The following ZNF385B variants were observed in gnomAD, a reference collection of about 807,000 sequenced individuals.
ZNF385B encodes the protein zinc finger protein 385B.
ZNF385B carries 23 observed loss-of-function variants against 39.2 expected under a neutral mutation model. The observed-to-expected ratio is 0.59, with a 90% CI of 0.42 to 0.83. ZNF385B has a LOEUF of 0.83. ZNF385B is among the 40% of genes least tolerant of loss of function. The pLI is 0.00. For missense variants in ZNF385B, 552 were observed against 598.9 expected, an observed-to-expected ratio of 0.92 and a Z score of 0.82; for synonymous variants, 205 against 222.6, an observed-to-expected ratio of 0.92 and a Z score of 0.70.
intron 3 of ZNF385B, among the ~76,000 whole-genome samples, chr2:179,590,864 C>T (rs1337430714): frequency 6.6e-6 from 1 of 152,126 alleles, no homozygotes; most frequent in Admixed American, 6.5e-5. Context: ...CCTGAGGCTT[C>T]CCCCACCATG....
At chr2:179,622,344 C>A (rs373086217) in intron 3 of ZNF385B, among the ~76,000 whole-genome samples, 1 of 152,100 alleles carries the variant, frequency 6.6e-6, no homozygotes. Context: ...AAACAGTAAG[C>A]CCATGGAGTT....
chr2:179,480,107 A>C (rs1315392107), intron 6 of ZNF385B, among the ~76,000 whole-genome samples: 1 of 152,230 alleles, frequency 6.6e-6, no homozygotes, highest in Non-Finnish European at 1.5e-5. Flanking sequence ...CTGGCAGCTG[A>C]AACATCACGT....
chr2:179,626,901 A>G (rs1250924734), intron 3 of ZNF385B, among the ~76,000 whole-genome samples: 1 of 152,202 alleles, frequency 6.6e-6, no homozygotes, highest in African/African-American at 2.4e-5. Flanking sequence ...ATGTTCCAAT[A>G]TAACCCTTAG....
chr2:179,715,742 C>T (rs1435695792), intron 3 of ZNF385B, among the ~76,000 whole-genome samples: 2 of 151,944 alleles, frequency 1.3e-5, no homozygotes, highest in South Asian at 2.1e-4. Context: ...AAATGCCCAT[C>T]ATAAATAAAT....
At chr2:179,466,915 CAAAAAAAA>C (rs777679885) in intron 6 of ZNF385B, among the ~76,000 whole-genome samples, 60 of 26,930 alleles carry the variant, frequency 2.2e-3, no homozygotes, top group South Asian at 9.3e-3. Flanking sequence ...GCAAGACTGT[CAAAAAAAA>C]AAAAAAAAAA....
intron 3 of ZNF385B, among the ~76,000 whole-genome samples, chr2:179,696,203 G>GATGATCGT (rs1423397533): frequency 6.6e-6 from 1 of 151,840 alleles, no homozygotes; most frequent in Admixed American, 6.6e-5. Context: ...TTACTGTGGT[G>GATGATCGT]ATGATCGTAT....
intron 5 of ZNF385B, among the ~76,000 whole-genome samples, chr2:179,506,074 C>T (rs2057230503): frequency 6.6e-6 from 1 of 152,014 alleles, no homozygotes; most frequent in Non-Finnish European, 1.5e-5. Context: ...ACGGAACTTC[C>T]AATTCACAGT....
At chr2:179,830,020 C>T (rs1707896220) in intron 1 of ZNF385B, among the ~76,000 whole-genome samples, 1 of 152,192 alleles carries the variant, frequency 6.6e-6, no homozygotes. Context: ...CTCTTCAACA[C>T]TCAACAAAAG....
intron 3 of ZNF385B, among the ~76,000 whole-genome samples, chr2:179,608,547 T>C (rs1689015396): frequency 1.3e-5 from 2 of 152,178 alleles, no homozygotes; most frequent in South Asian, 4.1e-4. Context: ...TTTTCCCCTA[T>C]TTTTACTCTC....
intron 3 of ZNF385B, among the ~76,000 whole-genome samples, chr2:179,690,686 C>G (rs1256861432): frequency 6.6e-6 from 1 of 152,190 alleles, no homozygotes; most frequent in Non-Finnish European, 1.5e-5. Flanking sequence ...TCACCACTTA[C>G]TATGTCAAGT....
chr2:179,617,050 A>G lies in ZNF385B; in HGVS notation c.299-72081T>C, dbSNP rs1230803537. 2.0e-5 allele frequency among the ~76,000 whole-genome samples: 3 copies of G among 151,958 alleles called. No homozygotes were observed. The South Asian group carries it at 6.2e-4, about 32-fold the overall frequency. Reference sequence around the variant, plus strand: ...TAGTGTGGTGTCTGTTACCTTTGCCATTTTTATTTGATCCCCAAAGTTGCA... The same window carrying G: ...TAGTGTGGTGTCTGTTACCTTTGCCGTTTTTATTTGATCCCCAAAGTTGCA... On this transcript the variant is annotated intron_variant, in intron 3 of 9. Coordinates refer to ENST00000410066, the MANE Select transcript of ZNF385B (RefSeq NM_152520.6).
intron 1 of ZNF385B, among the ~76,000 whole-genome samples, chr2:179,804,087 C>T (rs1706202264): frequency 1.3e-5 from 2 of 152,186 alleles, no homozygotes. Context: ...ATCATCTTTG[C>T]TTCTCTCCAA....
At chr2:179,736,866 A>G (rs1701793327) in intron 3 of ZNF385B, among the ~76,000 whole-genome samples, 2 of 152,198 alleles carry the variant, frequency 1.3e-5, no homozygotes, top group Non-Finnish European at 2.9e-5. Flanking sequence ...GCTACTCAGG[A>G]GGCTGAGGCA....
At chr2:179,858,985 A>G (rs1684824467) in intron 1 of ZNF385B, among the ~76,000 whole-genome samples, 1 of 152,150 alleles carries the variant, frequency 6.6e-6, no homozygotes, top group African/African-American at 2.4e-5. Flanking sequence ...TGTCTTTTTC[A>G]TGGTGCCCAA....
intron 1 of ZNF385B, among the ~76,000 whole-genome samples, chr2:179,816,335 T>C (rs973330855): frequency 1.3e-5 from 2 of 152,194 alleles, no homozygotes; most frequent in Non-Finnish European, 2.9e-5. Flanking sequence ...TCATTTCTCC[T>C]CTGGAATGCC....
At chr2:179,541,148 T>C (rs1214318074) in intron 4 of ZNF385B, among the ~76,000 whole-genome samples, 1 of 152,218 alleles carries the variant, frequency 6.6e-6, no homozygotes, top group Non-Finnish European at 1.5e-5. Flanking sequence ...CATCAACGAT[T>C]CAAACTCCGT....
At chr2:179,657,390 C>G (rs1263108348) in intron 3 of ZNF385B, among the ~76,000 whole-genome samples, 1 of 152,180 alleles carries the variant, frequency 6.6e-6, no homozygotes, top group Non-Finnish European at 1.5e-5. Flanking sequence ...ATGTAACGTT[C>G]CAAAGAAACT....
At chr2:179,846,128 G>T (rs1384465833) in intron 1 of ZNF385B, among the ~76,000 whole-genome samples, 1 of 152,104 alleles carries the variant, frequency 6.6e-6, no homozygotes, top group East Asian at 1.9e-4. Context: ...GCATTTTTAG[G>T]TCCCAAATTT....
chr2:179,633,541 T>C (rs573905190), intron 3 of ZNF385B, among the ~76,000 whole-genome samples: 3 of 152,272 alleles, frequency 2.0e-5, no homozygotes, highest in South Asian at 2.1e-4. Context: ...TAGGTATTGA[T>C]GGAATGTACG....
Sources: gnomAD v4.1 joint callset for allele counts (sites outside exome capture counted in the v4.1 genomes callset) on GRCh38, gnomAD v4.1.1 for gene constraint, MANE v1.5 for transcripts, NCBI Gene and HGNC (gene_info 2026-07-23, HGNC 2026-07-21) for gene names.